PCDHGA5: variants seen among roughly 807,000 people sequenced by gnomAD.
PCDHGA5 encodes the protein protocadherin gamma-A5.
Under a neutral mutation model 56.7 loss-of-function variants are expected in PCDHGA5, and 36 were observed. That is an observed-to-expected ratio of 0.64 (90% CI 0.49 to 0.84). The LOEUF is 0.84. Among genes scored for constraint, PCDHGA5 ranks in the 40% least tolerant of loss-of-function variants. The probability of loss-of-function intolerance (pLI) is 0.00; values close to 1 mark genes in which losing one functional copy is unlikely to be tolerated. For synonymous variants in PCDHGA5, 563 were observed against 520.2 expected (o/e 1.08, Z -1.12); for missense variants, 1,305 against 1,201.5 (o/e 1.09, Z -1.27).
At chr5:141,488,031 A>G (rs1475176300) in intron 1 of PCDHGA5, among the ~76,000 whole-genome samples, 1 of 152,122 alleles carries the variant, frequency 6.6e-6, no homozygotes, top group Non-Finnish European at 1.5e-5. Context: ...CTAGGTTACC[A>G]TTTCCCAAGG....
At chr5:141,400,235 T>TGATTCTGGCCGTTGCC in intron 1 of PCDHGA5, 1 of 1,614,006 alleles carries the variant, frequency 6.2e-7, no homozygotes, top group East Asian at 2.2e-5. Flanking sequence ...CTCCTGGCCG[T>TGATTCTGGCCGTTGCC]GATTCTGGCC....
At position 141,501,290 on chromosome 5, in the gene PCDHGA5, TACACACACACAC is replaced by T. The variant is rs55762287; in HGVS notation, c.2481-4070_2481-4059del. Among the ~76,000 whole-genome samples, 15 of 136,248 alleles carry T rather than the reference TACACACACACAC, an allele frequency of 1.1e-4. No homozygotes were observed. The South Asian group carries it at 1.2e-3, about 11-fold the overall frequency. The allele number at this position is 136,248 out of a possible 152,430, so 89.4% of individuals were successfully genotyped here. A position where few individuals can be genotyped will look rare whatever the true frequency, so the allele number is the denominator to read the frequency against. ...GTCCAGTCTATGGGATATTCCCTTA[TACACACACACAC>T]ACACACACACACACACACACACACA... On this transcript the variant is annotated intron_variant, in intron 2 of 3. Transcript: ENST00000518069.
intron 1 of PCDHGA5, among the ~76,000 whole-genome samples, chr5:141,401,168 C>T (rs2094123018): frequency 1.3e-5 from 2 of 152,142 alleles, no homozygotes; most frequent in Non-Finnish European, 2.9e-5. Flanking sequence ...ATGGTGAAAA[C>T]CCGTCTCTAC....
chr5:141,413,760 C>G (rs778067298), intron 1 of PCDHGA5: 2 of 1,613,250 alleles, frequency 1.2e-6, no homozygotes, highest in African/African-American at 2.7e-5. Context: ...GCGTCAAGTA[C>G]CCGGAGCTGG....
chr5:141,426,085 C>T (rs1315114723), intron 1 of PCDHGA5, among the ~76,000 whole-genome samples: 7 of 152,148 alleles, frequency 4.6e-5, no homozygotes, highest in Non-Finnish European at 8.8e-5. Flanking sequence ...TCTACCAGGA[C>T]GATATTCTGT....
chr5:141,403,717 G>GC (rs1561689685), intron 1 of PCDHGA5: 2 of 1,613,936 alleles, frequency 1.2e-6, no homozygotes, highest in South Asian at 2.2e-5. Flanking sequence ...TTGAGAACGT[G>GC]CCCCCAGGCA....
intron 1 of PCDHGA5, chr5:141,430,973 A>G: frequency 6.2e-7 from 1 of 1,613,266 alleles, no homozygotes; most frequent in East Asian, 2.2e-5. Flanking sequence ...CAGAGGTAGG[A>G]CGCAGCTTTT....
Position 141,431,222 on chromosome 5 carries a change from C to A in PCDHGA5, c.2422-63585C>A. On this transcript the variant is annotated intron_variant, in intron 1 of 3. Transcript: ENST00000518069. The surrounding 1 kb of genome is among the most constrained non-coding windows in gnomAD (Gnocchi z 4.8). ...AGCCACTGAGATGCGGTTCCCTCTA[C>A]CCCACGCCTGGGATCCGGATATCGG... 3 of 1,614,170 alleles carry A rather than the reference C, an allele frequency of 1.9e-6. No individual in the cohort carries two copies. The highest frequency in any genetic ancestry group is 2.5e-6 in the Non-Finnish European group (3 of 1,180,034).
intron 1 of PCDHGA5, chr5:141,388,301 G>C (rs1323976869): frequency 6.2e-7 from 1 of 1,613,606 alleles, no homozygotes; most frequent in African/African-American, 1.3e-5. Context: ...ATTCCTTTGA[G>C]CTGCAAATAA....
At position 141,431,098 on chromosome 5, in the gene PCDHGA5, A is replaced by G; in HGVS notation, c.2422-63709A>G. The G allele has an allele frequency of 6.2e-7, 1 of 1,614,260 alleles. No homozygotes were observed. The highest frequency in any genetic ancestry group is 8.5e-7 in the Non-Finnish European group (1 of 1,180,040). On this transcript the variant is annotated intron_variant, in intron 1 of 3. Transcript: ENST00000518069. This position sits in a 1 kb window ranked among gnomAD's most constrained non-coding sequence, Gnocchi z 4.8. ...ATCTAGACATTCTGATGGAGGATAA[A>G]GTGAAAATATATGGAGTAGAAGTAG...
At chr5:141,421,788 G>C (rs1262781272) in intron 1 of PCDHGA5, 7 of 1,613,682 alleles carry the variant, frequency 4.3e-6, no homozygotes, top group Admixed American at 3.3e-5. Flanking sequence ...GGGGCAGAAC[G>C]GATGGGGCCA....
chr5:141,489,364 G>A lies in PCDHGA5; in HGVS notation c.2422-5443G>A, dbSNP rs2099686163. On this transcript the variant is annotated intron_variant, in intron 1 of 3. Coordinates refer to ENST00000518069, the MANE Select transcript of PCDHGA5 (RefSeq NM_018918.3). The surrounding 1 kb of genome is among the most constrained non-coding windows in gnomAD (Gnocchi z 4.5). The stretch of plus-strand genomic sequence containing the variant: ...CTCAGTGGTGGAGGAGTCTGAGCCG[G>A]GGACGCTGGTGGGGAATGTTGCTCA... 1 of 1,613,450 alleles carries A rather than the reference G, an allele frequency of 6.2e-7. No homozygotes were observed. The highest frequency in any genetic ancestry group is 1.1e-5 in the South Asian group (1 of 91,042).
In PCDHGA5 at chr5:141,372,665, C is replaced by T. The variant is rs570619495; in HGVS notation, c.2421+5914C>T. 2.5e-6 allele frequency: 4 copies of T among 1,613,990 alleles called. No homozygotes were observed. In the African/African-American group the frequency reaches 4.0e-5, roughly 16 times the overall value. ...CTTATTCCTACAATCCGTGTGCTGC[C>T]TCACATTCCTCAAACACCGAGTTTA... On this transcript the variant is annotated intron_variant, in intron 1 of 3. Transcript: ENST00000518069.
chr5:141,400,521 G>A (rs1462677478), intron 1 of PCDHGA5: 5 of 1,613,972 alleles, frequency 3.1e-6, no homozygotes, highest in Non-Finnish European at 4.2e-6. Context: ...CCCATCCTGA[G>A]TTGGTGAGTT....
rs1763848662 is a variant in PCDHGA5, at chr5:141,365,320, C to A, written c.990C>A (p.Ser330Arg). 6.2e-7 allele frequency: 1 copy of A among 1,613,992 alleles called. No homozygotes were observed. Among genetic ancestry groups the A allele is most frequent in the Non-Finnish European group, 8.5e-7 (1 of 1,179,894 alleles). ...AGGATGGAGGCGCTCTTGTTGCCAG[C>A]GCTAAGGTGGTGGTCACAGTACAGG... ...VAQDGGALVASAKVVVTVQDV... is the reference protein window; with the variant it reads ...VAQDGGALVARAKVVVTVQDV... The change falls in exon 1 of 4, where the codon AGC becomes AGA. Residue 330 changes from serine to arginine, a missense_variant. Ser to Arg is a moderately radical substitution (Grantham distance 110). Transcript: ENST00000518069.
At chr5:141,409,436 C>G (rs368696166) in intron 1 of PCDHGA5, 2 of 1,613,982 alleles carry the variant, frequency 1.2e-6, no homozygotes, top group Non-Finnish European at 1.7e-6. Flanking sequence ...AGCCCTGGAC[C>G]GAGAGCAGAC....
chr5:141,381,991 G>A (rs1019937357), intron 1 of PCDHGA5, among the ~76,000 whole-genome samples: 3 of 151,726 alleles, frequency 2.0e-5, no homozygotes, highest in East Asian at 3.9e-4. Context: ...CACCACGCCC[G>A]GATAATTTTG....
At chr5:141,414,085 G>C (rs1459185694) in intron 1 of PCDHGA5, 1 of 1,600,126 alleles carries the variant, frequency 6.2e-7, no homozygotes, top group Non-Finnish European at 8.5e-7. Context: ...ATATACTGGA[G>C]AAATAAAAAT....
In PCDHGA5 at chr5:141,433,172, G is replaced by C. The variant is rs147848043; in HGVS notation, c.2422-61635G>C. 533 of 1,610,720 alleles carry C rather than the reference G, an allele frequency of 3.3e-4. 5 individuals carry two copies. In the South Asian group the frequency reaches 5.0e-3, roughly 15 times the overall value. On this transcript the variant is annotated intron_variant, in intron 1 of 3. Transcript: ENST00000518069. ...TTCGGTATTTTCTAAAGACAGTCAT[G>C]GGTTAATTGAGGTGAGTTTATATCA...
Sources: allele counts gnomAD v4.1 joint callset (sites outside exome capture counted in the v4.1 genomes callset), GRCh38; gene constraint gnomAD v4.1.1; non-coding constraint Gnocchi (gnomAD v3.1); transcripts MANE v1.5; gene names NCBI Gene and HGNC (gene_info 2026-07-23, HGNC 2026-07-21).